Variants in LIN28B observed in about 807,000 individuals in gnomAD.
LIN28B encodes the protein lin-28 RNA binding posttranscriptional regulator B.
LIN28B carries 5 observed loss-of-function variants against 21.9 expected under a neutral mutation model. The observed-to-expected ratio is 0.23, with a 90% CI of 0.12 to 0.48. The LOEUF (loss-of-function observed/expected upper bound fraction) is 0.48. LIN28B is among the 20% of genes least tolerant of loss of function. The pLI, the probability that LIN28B is intolerant of heterozygous loss-of-function variation, is 0.98. For missense variants in LIN28B, 245 were observed against 310.5 expected, an observed-to-expected ratio of 0.79 and a Z score of 1.58; for synonymous variants, 109 against 111.3, an observed-to-expected ratio of 0.98 and a Z score of 0.13.
chr6:105,028,000 T>G (rs1771322475), intron 3 of LIN28B, among the ~76,000 whole-genome samples: 2 of 152,200 alleles, frequency 1.3e-5, no homozygotes, highest in South Asian at 4.1e-4. Flanking sequence ...TGTGAAAGTT[T>G]AATGATACAC....
chr6:104,956,959 G>A (rs1037587445), upstream of LIN28B: 5 of 629,420 alleles, frequency 7.9e-6, no homozygotes, highest in African/African-American at 7.7e-5. Flanking sequence ...TTATTTTGAT[G>A]TCAGCATAGA....
chr6:104,999,120 C>T (rs1411662942), intron 2 of LIN28B, among the ~76,000 whole-genome samples: 1 of 152,024 alleles, frequency 6.6e-6, no homozygotes, highest in Non-Finnish European at 1.5e-5. Flanking sequence ...TTGAAAGCAA[C>T]ATTTAGTAGA....
At chr6:104,969,927 TTCTTA>T (rs1006934231) in intron 2 of LIN28B, among the ~76,000 whole-genome samples, 1 of 152,186 alleles carries the variant, frequency 6.6e-6, no homozygotes, top group Non-Finnish European at 1.5e-5. Context: ...AAACACTTTG[TTCTTA>T]TCTTAGCATC....
chr6:105,047,791 G>C (rs1771801730), intron 3 of LIN28B, among the ~76,000 whole-genome samples: 2 of 152,122 alleles, frequency 1.3e-5, no homozygotes, highest in African/African-American at 4.8e-5. Flanking sequence ...TTGTGAATGG[G>C]AGTTCACTCA....
intron 3 of LIN28B, among the ~76,000 whole-genome samples, chr6:105,040,964 C>G (rs1406251350): frequency 6.6e-6 from 1 of 151,882 alleles, no homozygotes; most frequent in Non-Finnish European, 1.5e-5. Context: ...CAGGCTGGAG[C>G]ACAGTGGTAG....
At chr6:104,991,613 T>C (rs569238816) in intron 2 of LIN28B, among the ~76,000 whole-genome samples, 3 of 151,892 alleles carry the variant, frequency 2.0e-5, no homozygotes, top group African/African-American at 4.8e-5. Context: ...GATGGGGTGG[T>C]GGCCGGGCAG....
intron 2 of LIN28B, among the ~76,000 whole-genome samples, chr6:104,960,799 AATAT>A (rs1367586643): frequency 6.6e-6 from 1 of 152,134 alleles, no homozygotes; most frequent in Non-Finnish European, 1.5e-5. Flanking sequence ...AAATAAAGAG[AATAT>A]ATATATGTGT....
At chr6:104,971,193 G>T (rs531395312) in intron 2 of LIN28B, among the ~76,000 whole-genome samples, 3 of 151,830 alleles carry the variant, frequency 2.0e-5, no homozygotes, top group Non-Finnish European at 4.4e-5. Context: ...ACATATTTTC[G>T]TGCAAATAAG....
chr6:105,043,760 T>C (rs1413927741), intron 3 of LIN28B, among the ~76,000 whole-genome samples: 10 of 151,980 alleles, frequency 6.6e-5, no homozygotes, highest in Non-Finnish European at 1.5e-4. Context: ...TTTGTATTTT[T>C]AGTAGAGATG....
chr6:105,041,965 A>G (rs1409781092), intron 3 of LIN28B, among the ~76,000 whole-genome samples: 2 of 152,220 alleles, frequency 1.3e-5, no homozygotes, highest in Non-Finnish European at 2.9e-5. Context: ...GTTCAGATAC[A>G]TCTGGATTTG....
intron 2 of LIN28B, among the ~76,000 whole-genome samples, chr6:104,975,713 G>T (rs1770076235): frequency 6.6e-6 from 1 of 151,866 alleles, no homozygotes. Context: ...CAGTGGTGTG[G>T]TGTGATCATG....
intron 2 of LIN28B, among the ~76,000 whole-genome samples, chr6:104,943,026 GAAATTAGTCA>G (rs199785395): frequency 0.023 from 3,440 of 152,186 alleles, 142 homozygotes; most frequent in African/African-American, 0.079. Flanking sequence ...AGTTTGTTGT[GAAATTAGTCA>G]AGATTTAAAT....
intron 2 of LIN28B, among the ~76,000 whole-genome samples, chr6:105,023,990 G>GT (rs905224929): frequency 1.3e-3 from 202 of 149,768 alleles, no homozygotes; most frequent in East Asian, 3.1e-3. Flanking sequence ...TTGTTTGGTT[G>GT]TTTTTTTTTG....
chr6:104,969,501 A>T (rs1414794455), intron 2 of LIN28B, among the ~76,000 whole-genome samples: 1 of 152,182 alleles, frequency 6.6e-6, no homozygotes, highest in Non-Finnish European at 1.5e-5. Flanking sequence ...GACATGTATA[A>T]AGCCTGCAGT....
At chr6:105,035,440 A>C (rs575860113) in intron 3 of LIN28B, among the ~76,000 whole-genome samples, 1 of 152,218 alleles carries the variant, frequency 6.6e-6, no homozygotes, top group South Asian at 2.1e-4. Context: ...AGGTCTGTCT[A>C]TTCTGACCTA....
chr6:104,953,055 G>C (rs1778238746), upstream of LIN28B, among the ~76,000 whole-genome samples: 1 of 152,190 alleles, frequency 6.6e-6, no homozygotes, highest in Non-Finnish European at 1.5e-5. Context: ...GAAAGTTACC[G>C]CCAAGTGGTT....
At position 104,993,562 on chromosome 6, in the gene LIN28B, G is replaced by T. The variant is rs1770537653; in HGVS notation, c.199-32736G>T. Among the ~76,000 whole-genome samples the T allele has an allele frequency of 1.3e-5, 2 of 152,146 alleles. 1 individual carries two copies. Among genetic ancestry groups the T allele is most frequent in the South Asian group, 4.1e-4 (2 of 4,824 alleles). ...TTAAAGTTAAGAGCTTTGGCTGGGG[G>T]CGGTGGCTTAGGCCTGTAATCCCAG... On this transcript the variant is annotated intron_variant, in intron 2 of 3. Coordinates refer to ENST00000345080, the MANE Select transcript of LIN28B (RefSeq NM_001004317.4).
At chr6:104,992,608 C>T (rs562078124) in intron 2 of LIN28B, among the ~76,000 whole-genome samples, 6 of 151,840 alleles carry the variant, frequency 4.0e-5, no homozygotes, top group Non-Finnish European at 7.4e-5. Flanking sequence ...CAGGCTCAAG[C>T]GATCCTTCCA....
intron 2 of LIN28B, among the ~76,000 whole-genome samples, chr6:104,983,135 A>G (rs1251179319): frequency 1.3e-5 from 2 of 152,218 alleles, no homozygotes; most frequent in East Asian, 3.8e-4. Flanking sequence ...TTACAAAGCC[A>G]GAGACATAAA....
Sources: allele counts gnomAD v4.1 joint callset (sites outside exome capture counted in the v4.1 genomes callset), GRCh38; gene constraint gnomAD v4.1.1; transcripts MANE v1.5; gene names NCBI Gene and HGNC (gene_info 2026-07-23, HGNC 2026-07-21).